The following IL1RAPL1 variants were observed in gnomAD, a reference collection of about 807,000 sequenced individuals.
The protein encoded by IL1RAPL1 is interleukin-1 receptor accessory protein-like 1.
A neutral mutation model predicts 48.4 loss-of-function variants in IL1RAPL1; 3 were observed. The observed-to-expected ratio is 0.06, with a 90% CI of 0.03 to 0.16. The LOEUF is 0.16. IL1RAPL1 is among the 10% of genes least tolerant of loss of function. The pLI is 1.00. For missense variants in IL1RAPL1, 349 were observed against 530.6 expected, an observed-to-expected ratio of 0.66 and a Z score of 3.36; for synonymous variants, 185 against 187.7, an observed-to-expected ratio of 0.99 and a Z score of 0.12.
intron 2 of IL1RAPL1, among the ~76,000 whole-genome samples, chrX:29,141,795 C>A (rs1372056130): frequency 9.0e-6 from 1 of 111,467 alleles, no homozygotes. Context: ...AAACAGTACA[C>A]CTCTATTGTC....
intron 6 of IL1RAPL1, among the ~76,000 whole-genome samples, chrX:29,681,793 C>T (rs775478307): frequency 4.9e-4 from 54 of 111,046 alleles, no homozygotes; most frequent in African/African-American, 1.4e-3. Context: ...AGAGTTGGGA[C>T]GACAGAGAGT....
At chrX:28,623,730 G>A (rs940671521) in intron 1 of IL1RAPL1, among the ~76,000 whole-genome samples, 4 of 111,753 alleles carry the variant, frequency 3.6e-5, no homozygotes, top group African/African-American at 1.3e-4. Context: ...CAACAGAAGA[G>A]CAATTGCAAA....
intron 2 of IL1RAPL1, among the ~76,000 whole-genome samples, chrX:28,912,435 G>C (rs1353472536): frequency 9.0e-6 from 1 of 110,559 alleles, no homozygotes; most frequent in Non-Finnish European, 1.9e-5. Flanking sequence ...ATTTTATGCT[G>C]GCTCCATTAT....
chrX:29,525,235 C>A, intron 5 of IL1RAPL1, among the ~76,000 whole-genome samples: 1 of 111,696 alleles, frequency 9.0e-6, no homozygotes. Context: ...TGATATAGCC[C>A]AATATACCAC....
intron 8 of IL1RAPL1, among the ~76,000 whole-genome samples, chrX:29,927,331 A>G (rs1444572514): frequency 8.9e-6 from 1 of 112,175 alleles, no homozygotes; most frequent in African/African-American, 3.2e-5. Context: ...CTCCATGAGA[A>G]AGGAACCAAA....
At chrX:28,927,052 G>A (rs770221550) in intron 2 of IL1RAPL1, among the ~76,000 whole-genome samples, 2 of 110,681 alleles carry the variant, frequency 1.8e-5, no homozygotes, top group East Asian at 2.9e-4. Flanking sequence ...ATGCCACCAC[G>A]CCTGGGTAAT....
intron 6 of IL1RAPL1, among the ~76,000 whole-genome samples, chrX:29,802,505 A>T (rs1929934643): frequency 9.2e-6 from 1 of 108,551 alleles, no homozygotes; most frequent in Non-Finnish European, 1.9e-5. Flanking sequence ...AAAAAAAGAC[A>T]TACAAAAATA....
At chrX:29,453,778 G>A (rs922948222) in intron 5 of IL1RAPL1, among the ~76,000 whole-genome samples, 8 of 112,089 alleles carry the variant, frequency 7.1e-5, no homozygotes, top group African/African-American at 2.3e-4. Flanking sequence ...TCTTCAAATT[G>A]TTTTACTCAG....
chrX:28,878,656 T>C (rs1922432660), intron 2 of IL1RAPL1, among the ~76,000 whole-genome samples: 1 of 111,819 alleles, frequency 8.9e-6, no homozygotes, highest in Admixed American at 9.5e-5. Context: ...GGGGCATCTG[T>C]GAGTCTTATC....
chrX:29,162,049 C>T (rs1929695415), intron 2 of IL1RAPL1, among the ~76,000 whole-genome samples: 1 of 111,806 alleles, frequency 8.9e-6, no homozygotes, highest in African/African-American at 3.2e-5. Context: ...GAGTTCATGT[C>T]CTTTGCAGGG....
At chrX:29,475,807 C>T (rs372424049) in intron 5 of IL1RAPL1, among the ~76,000 whole-genome samples, 4 of 110,106 alleles carry the variant, frequency 3.6e-5, no homozygotes, top group East Asian at 2.8e-4. Flanking sequence ...GTCACGTTTC[C>T]TATAATAATT....
chrX:28,747,217 T>C (rs1469723549), intron 1 of IL1RAPL1, among the ~76,000 whole-genome samples: 2 of 111,727 alleles, frequency 1.8e-5, no homozygotes, highest in Non-Finnish European at 3.8e-5. Flanking sequence ...TAGTAAAATA[T>C]TTATAATACT....
chrX:29,334,066 C>CG (rs1932934295), intron 3 of IL1RAPL1, among the ~76,000 whole-genome samples: 1 of 77,482 alleles, frequency 1.3e-5, no homozygotes, highest in East Asian at 3.6e-4. Flanking sequence ...GCTGGCCGGG[C>CG]GGGGGGCTGA....
chrX:29,657,067 C>T (rs1925705816), intron 5 of IL1RAPL1, among the ~76,000 whole-genome samples: 1 of 111,402 alleles, frequency 9.0e-6, no homozygotes, highest in Non-Finnish European at 1.9e-5. Flanking sequence ...GGCTGTGGTC[C>T]ACTCTATGAC....
intron 5 of IL1RAPL1, among the ~76,000 whole-genome samples, chrX:29,446,887 GACCT>G (rs1258906188): frequency 1.8e-5 from 2 of 110,184 alleles, no homozygotes; most frequent in Non-Finnish European, 3.8e-5. Context: ...ACAAATCACT[GACCT>G]ACCTCCCTCT....
At chrX:29,786,680 C>G (rs997350443) in intron 6 of IL1RAPL1, among the ~76,000 whole-genome samples, 25 of 111,552 alleles carry the variant, frequency 2.2e-4, no homozygotes, top group Non-Finnish European at 4.5e-4. Context: ...AAAAAGAAAG[C>G]AGGGAGGCAA....
rs557566910 is a variant in IL1RAPL1, at chrX:28,940,177, T to C, written c.82+150752T>C. ...CATAGACATACCTCTTATTACCTTT[T>C]CCTCTCAACTCTGCAGAAAATATGA... On this transcript the variant is annotated intron_variant, in intron 2 of 10. Transcript: ENST00000378993. 5.4e-5 allele frequency among the ~76,000 whole-genome samples: 6 copies of C among 111,667 alleles called. No homozygotes were observed. In the South Asian group the frequency reaches 1.8e-3, roughly 34 times the overall value.
chrX:29,168,583 GTA>G (rs1220943677), intron 2 of IL1RAPL1, among the ~76,000 whole-genome samples: 3 of 71,902 alleles, frequency 4.2e-5, no homozygotes. Context: ...ACACACAATT[GTA>G]TATATATATT....
At chrX:29,160,199 C>T (rs983601087) in intron 2 of IL1RAPL1, among the ~76,000 whole-genome samples, 1 of 111,829 alleles carries the variant, frequency 8.9e-6, no homozygotes, top group Non-Finnish European at 1.9e-5. Flanking sequence ...TTAGTTTTCT[C>T]AGATATATTC....
Sources: allele counts gnomAD v4.1 joint callset (sites outside exome capture counted in the v4.1 genomes callset), GRCh38; gene constraint gnomAD v4.1.1; transcripts MANE v1.5; gene names NCBI Gene and HGNC (gene_info 2026-07-23, HGNC 2026-07-21).